The following EYS variants were observed in gnomAD, a reference collection of about 807,000 sequenced individuals.
The protein encoded by EYS is protein eyes shut homolog.
In EYS, 250 loss-of-function variants were observed where a neutral mutation model predicts 282.1. The ratio of observed to expected loss-of-function variants is 0.89; its 90% CI spans 0.80 to 0.98. The LOEUF (loss-of-function observed/expected upper bound fraction) is 0.98, where lower values mean the gene tolerates loss of function less well. Ranked by LOEUF, EYS falls within the 50% of genes least tolerant of loss-of-function variation. The pLI is 0.00. For synonymous variants in EYS, 1,355 were observed against 1,282.9 expected (o/e 1.06, Z -1.20); for missense variants, 4,016 against 3,709.0 (o/e 1.08, Z -2.15).
At chr6:63,964,441 C>T (rs559748452) in intron 35 of EYS, among the ~76,000 whole-genome samples, 1 of 152,300 alleles carries the variant, frequency 6.6e-6, no homozygotes, top group East Asian at 1.9e-4. Flanking sequence ...TGATTTCCCT[C>T]CTGTGTTTAA....
chr6:64,242,540 T>C (rs1401101099), intron 30 of EYS, among the ~76,000 whole-genome samples: 1 of 152,076 alleles, frequency 6.6e-6, no homozygotes, highest in African/African-American at 2.4e-5. Flanking sequence ...TGTCATCCTC[T>C]AATCCATCCT....
intron 5 of EYS, among the ~76,000 whole-genome samples, chr6:65,437,773 T>A (rs564362752): frequency 2.0e-5 from 3 of 152,278 alleles, no homozygotes; most frequent in South Asian, 2.1e-4. Context: ...AAACGTTTGA[T>A]AAAACAGTCT....
chr6:64,164,235 C>G (rs540226979), intron 31 of EYS, among the ~76,000 whole-genome samples: 1 of 152,200 alleles, frequency 6.6e-6, no homozygotes, highest in South Asian at 2.1e-4. Context: ...TATCCCAGCA[C>G]AGAGTTTGTT....
chr6:64,043,806 G>T (rs534481326), intron 33 of EYS, among the ~76,000 whole-genome samples: 13 of 152,302 alleles, frequency 8.5e-5, no homozygotes, highest in African/African-American at 2.9e-4. Flanking sequence ...AACTTCCTGG[G>T]TAAGAAGCCT....
At chr6:64,756,120 A>AC (rs1157677342) in intron 22 of EYS, among the ~76,000 whole-genome samples, 1 of 152,044 alleles carries the variant, frequency 6.6e-6, no homozygotes, top group Non-Finnish European at 1.5e-5. Context: ...GCATACACTG[A>AC]CCCCCAAAAT....
At chr6:64,909,067 C>T (rs1369358646) in intron 16 of EYS, among the ~76,000 whole-genome samples, 1 of 152,212 alleles carries the variant, frequency 6.6e-6, no homozygotes, top group East Asian at 1.9e-4. Flanking sequence ...GCTTTTACCG[C>T]ATTGTACTTT....
In EYS at chr6:64,307,102, AG is replaced by A; in HGVS notation, c.6079-21del. 1 of 1,109,218 alleles carries A rather than the reference AG, an allele frequency of 9.0e-7. No homozygotes were observed. The highest frequency in any genetic ancestry group is 1.3e-6 in the Non-Finnish European group (1 of 749,978). 68.7% of individuals were successfully genotyped at this position (1,109,218 alleles called of 1,614,324 possible). ...AGGCATCTGAGAGAGAGAGAGAGAG[AG>A]AGAAGTAGAGATAATTTAAATGATT... On this transcript the variant is annotated intron_variant, in intron 29 of 42. Coordinates refer to ENST00000503581, the MANE Select transcript of EYS (RefSeq NM_001142800.2).
intron 22 of EYS, among the ~76,000 whole-genome samples, chr6:64,687,789 G>A (rs561517313): frequency 1.3e-5 from 2 of 152,286 alleles, no homozygotes; most frequent in Middle Eastern, 3.4e-3. Flanking sequence ...AGTTTCAGAA[G>A]GAACGGTACC....
At chr6:64,332,515 C>A (rs565033543) in intron 29 of EYS, among the ~76,000 whole-genome samples, 4 of 152,282 alleles carry the variant, frequency 2.6e-5, no homozygotes, top group African/African-American at 9.6e-5. Context: ...TACCTCACTG[C>A]TGTTGAAGTT....
At chr6:65,542,535 G>A (rs1466780985) in intron 2 of EYS, among the ~76,000 whole-genome samples, 1 of 151,620 alleles carries the variant, frequency 6.6e-6, no homozygotes, top group African/African-American at 2.4e-5. Context: ...CTAAGGATAT[G>A]TGTCAACACC....
At chr6:64,103,716 C>A (rs1484456856) in intron 31 of EYS, among the ~76,000 whole-genome samples, 3 of 152,106 alleles carry the variant, frequency 2.0e-5, no homozygotes, top group African/African-American at 7.2e-5. Flanking sequence ...TAGAATTGCT[C>A]ATCAGTAACA....
intron 22 of EYS, among the ~76,000 whole-genome samples, chr6:64,726,894 A>C (rs1301548134): frequency 2.0e-5 from 3 of 152,204 alleles, no homozygotes; most frequent in Admixed American, 2.0e-4. Flanking sequence ...AACATTTCAT[A>C]AACAATGAAT....
intron 32 of EYS, among the ~76,000 whole-genome samples, chr6:64,075,703 A>T (rs1385971620): frequency 6.6e-6 from 1 of 151,946 alleles, no homozygotes; most frequent in Non-Finnish European, 1.5e-5. Context: ...AATTCCCTAG[A>T]CAAGGTACAA....
intron 10 of EYS, among the ~76,000 whole-genome samples, chr6:65,338,851 G>C (rs1051148133): frequency 6.6e-6 from 1 of 150,940 alleles, no homozygotes; most frequent in African/African-American, 2.4e-5. Context: ...CATCTGTAGA[G>C]AAATTAACCT....
In EYS at chr6:64,950,794, TATAC is replaced by T. The variant is rs1214015274; in HGVS notation, c.2260-4884_2260-4881del. ...AATAAAAAATATATACACATATACA[TATAC>T]ATATATATATATATATATATATATA... On this transcript the variant is annotated intron_variant, in intron 14 of 42. Coordinates refer to ENST00000503581, the MANE Select transcript of EYS (RefSeq NM_001142800.2). Among the ~76,000 whole-genome samples the T allele has an allele frequency of 3.6e-3, 267 of 74,140 alleles. 2 individuals are homozygous for T. Among genetic ancestry groups the T allele is most frequent in the African/African-American group, 0.016 (226 of 14,194 alleles). 48.6% of individuals were successfully genotyped at this position (74,140 alleles called of 152,430 possible). A position where few individuals can be genotyped will look rare whatever the true frequency, so the allele number is the denominator to read the frequency against.
chr6:65,407,161 T>TA (rs1766782949), intron 5 of EYS, among the ~76,000 whole-genome samples: 1 of 152,226 alleles, frequency 6.6e-6, no homozygotes, highest in South Asian at 2.1e-4. Context: ...AGCTTTATGT[T>TA]AAAGTCTTGC....
intron 22 of EYS, among the ~76,000 whole-genome samples, chr6:64,643,375 C>T (rs545718618): frequency 1.3e-5 from 2 of 152,112 alleles, no homozygotes; most frequent in Non-Finnish European, 2.9e-5. Context: ...GTTAATTGTC[C>T]TGGGCCAAAA....
At chr6:65,007,590 C>T (rs574867771) in intron 13 of EYS, among the ~76,000 whole-genome samples, 52 of 152,200 alleles carry the variant, frequency 3.4e-4, no homozygotes, top group Non-Finnish European at 6.5e-4. Context: ...GATTTATGCC[C>T]TACAGGAAGC....
intron 30 of EYS, among the ~76,000 whole-genome samples, chr6:64,244,928 T>C (rs1418577258): frequency 6.6e-6 from 1 of 152,018 alleles, no homozygotes; most frequent in Non-Finnish European, 1.5e-5. Context: ...GCTGCACCCA[T>C]TAACTTGTCA....
Sources: allele counts gnomAD v4.1 joint callset (sites outside exome capture counted in the v4.1 genomes callset), GRCh38; gene constraint gnomAD v4.1.1; transcripts MANE v1.5; gene names NCBI Gene and HGNC (gene_info 2026-07-23, HGNC 2026-07-21).